ARAP3: variants seen among roughly 807,000 people sequenced by gnomAD.
The protein encoded by ARAP3 is ArfGAP with RhoGAP domain, ankyrin repeat and PH domain 3, also known as arf-GAP with Rho-GAP domain, ANK repeat and PH domain-containing protein 3.
In ARAP3, 82 loss-of-function variants were observed where a neutral mutation model predicts 169.2. The ratio of observed to expected loss-of-function variants is 0.48; its 90% CI spans 0.41 to 0.58. ARAP3 has a LOEUF of 0.58. Ranked by LOEUF, ARAP3 falls within the 20% of genes least tolerant of loss-of-function variation. The pLI is 0.00. For missense variants in ARAP3, 1,764 were observed against 2,018.0 expected (o/e 0.87, Z 2.41); for synonymous variants, 791 against 800.3 (o/e 0.99, Z 0.20).
chr5:141,663,219 C>G lies in ARAP3; in HGVS notation c.2801-964G>C, dbSNP rs1280481361. Reference sequence around the variant, plus strand: ...ACTGCCATATCCCCAGTGTCTGACACACGGTAGCAGCTCAACCAATGTATG... The same window carrying G: ...ACTGCCATATCCCCAGTGTCTGACAGACGGTAGCAGCTCAACCAATGTATG... On this transcript the variant is annotated intron_variant, in intron 19 of 32. Transcript: ENST00000239440. 3.9e-5 allele frequency among the ~76,000 whole-genome samples: 6 copies of G among 152,204 alleles called. No individual in the cohort carries two copies. The South Asian group carries it at 1.2e-3, about 32-fold the overall frequency.
At position 141,672,714 on chromosome 5, in the gene ARAP3, C is replaced by T; in HGVS notation, c.1278+27G>A. 6.2e-7 allele frequency: 1 copy of T among 1,614,168 alleles called. No individual in the cohort carries two copies. Among genetic ancestry groups the T allele is most frequent in the South Asian group, 1.1e-5 (1 of 91,080 alleles). ...GTGCCAGAAGGGACTAGTTCAGGCC[C>T]CTCAGCCCTGGCCCGGCTCTCCTCA... On this transcript the variant is annotated intron_variant, in intron 8 of 32. Coordinates refer to ENST00000239440, the MANE Select transcript of ARAP3 (RefSeq NM_022481.6). The surrounding 1 kb of genome is among the most constrained non-coding windows in gnomAD (Gnocchi z 4.9).
intron 6 of ARAP3, 46 bp from the exon 7 acceptor site, chr5:141,673,179 A>C (rs1562422098): frequency 1.2e-6 from 2 of 1,612,408 alleles, no homozygotes; most frequent in Non-Finnish European, 1.7e-6. Flanking sequence ...GAACTGAGCC[A>C]TGTGTGCCAG....
intron 4 of ARAP3, among the ~76,000 whole-genome samples, chr5:141,676,803 T>G (rs191769805): frequency 6.6e-6 from 1 of 152,194 alleles, no homozygotes; most frequent in Non-Finnish European, 1.5e-5. Context: ...CACAGCTCTA[T>G]GCACCCATCT....
Position 141,672,140 on chromosome 5 carries a change from G to A in ARAP3, c.1547C>T (p.Ala516Val). 6.2e-7 allele frequency: 1 copy of A among 1,614,132 alleles called. No individual in the cohort carries two copies. The highest frequency in any genetic ancestry group is 8.5e-7 in the Non-Finnish European group (1 of 1,180,012). ...GCAGATGACCACCCCCAAATTGACA[G>A]CAGCCCAATCTGGGCGGGAGGACCC... ...DCGSSRPDWA[A>V]VNLGVVICKQ... Residue 516 changes from alanine (A) to valine (V), a missense_variant, in exon 10 of 33, where the codon GCT (alanine) becomes GTT (valine). Ala to Val is a moderately conservative substitution (Grantham distance 64). Transcript: ENST00000239440. The surrounding 1 kb of genome is among the most constrained non-coding windows in gnomAD (Gnocchi z 4.9).
Position 141,671,670 on chromosome 5 carries a change from G to A in ARAP3, c.1754C>T (p.Ala585Val), listed in dbSNP as rs772289556. 7.4e-6 allele frequency: 12 copies of A among 1,613,520 alleles called. No homozygotes were observed. Among genetic ancestry groups the A allele is most frequent in the South Asian group, 1.1e-5 (1 of 91,012 alleles). Residue 585 changes from alanine to valine, a missense_variant, in exon 12 of 33, where the codon GCG becomes GTG. By Grantham distance (64) the Ala-to-Val change is moderately conservative (BLOSUM62 0). Transcript: ENST00000239440. This position sits in a 1 kb window ranked among gnomAD's most constrained non-coding sequence, Gnocchi z 4.9. Reference sequence around the variant, plus strand: ...GAACTCTCCCCGGGGGCCAGGGGTCGCATCTGGATGTAGTCCCTCACCTGG... The same window carrying A: ...GAACTCTCCCCGGGGGCCAGGGGTCACATCTGGATGTAGTCCCTCACCTGG... ...LPPGEGLHPDATPGPRGEFIS... is the reference protein window; with the variant it reads ...LPPGEGLHPDVTPGPRGEFIS...
At chr5:141,677,903 G>C (rs894394503) in intron 4 of ARAP3, among the ~76,000 whole-genome samples, 1 of 151,244 alleles carries the variant, frequency 6.6e-6, no homozygotes, top group Non-Finnish European at 1.5e-5. Context: ...TCCTGCCTCA[G>C]CCTCCCTAGT....
In ARAP3 at chr5:141,658,370, T is replaced by C. The variant is rs1441407842; in HGVS notation, c.3521A>G (p.Glu1174Gly). Residue 1174 changes from glutamate (E) to glycine (G), a missense_variant, in exon 25 of 33, where the codon GAG (glutamate) becomes GGG (glycine). Glu to Gly is a moderately conservative substitution (Grantham distance 98, BLOSUM62 -2). Coordinates refer to ENST00000239440, the MANE Select transcript of ARAP3 (RefSeq NM_022481.6). ...WVTFEIREHG[E>G]LERPLHPKEK... is the part of the protein sequence containing the mutation. ...ACAGGCGTGGTCATACTCACCCAGC[T>C]CCCCATGCTCGCGAATCTCAAAAGT... 2 of 1,612,898 alleles carry C rather than the reference T, an allele frequency of 1.2e-6. No individual in the cohort carries two copies. Among genetic ancestry groups the C allele is most frequent in the East Asian group, 4.5e-5 (2 of 44,864 alleles).
In ARAP3 at chr5:141,671,389, T is replaced by C; in HGVS notation, c.1866A>G (p.Ala622=). 1 of 1,611,222 alleles carries C rather than the reference T, an allele frequency of 6.2e-7. No homozygotes were observed. Among genetic ancestry groups the C allele is most frequent in the Non-Finnish European group, 8.5e-7 (1 of 1,178,534 alleles). Reference sequence around the variant, plus strand: ...TCAGCAGGTTGGGTCTTGCCACAGCTGCACACAGTGCCTGCAGGGAGGGAA... The same window carrying C: ...TCAGCAGGTTGGGTCTTGCCACAGCCGCACACAGTGCCTGCAGGGAGGGAA... The part of the protein sequence containing the change: ...DHSQLLQALC[A]AVARPNLLKN... The change falls in exon 13 of 33, where the codon GCA becomes GCG. Residue 622 remains alanine (A), a synonymous_variant. Coordinates refer to ENST00000239440, the MANE Select transcript of ARAP3 (RefSeq NM_022481.6). This position sits in a 1 kb window ranked among gnomAD's most constrained non-coding sequence, Gnocchi z 4.9.
At position 141,679,542 on chromosome 5, in the gene ARAP3, C is replaced by T. The variant is rs2099912685; in HGVS notation, c.698+3G>A. On this transcript the variant is annotated splice_donor_region_variant and intron_variant, in intron 4 of 32. Coordinates refer to ENST00000239440, the MANE Select transcript of ARAP3 (RefSeq NM_022481.6). Reference sequence around the variant, plus strand: ...TCCCACCACTTCCCTATTTAGTACTCACCTGTGTTCAGCCCTGCCCTGACA... The same window carrying T: ...TCCCACCACTTCCCTATTTAGTACTTACCTGTGTTCAGCCCTGCCCTGACA... 6.2e-7 allele frequency: 1 copy of T among 1,613,880 alleles called. No individual in the cohort carries two copies. The highest frequency in any genetic ancestry group is 1.3e-5 in the African/African-American group (1 of 75,018).
rs1235577276 is a variant in ARAP3, at chr5:141,665,377, G to A, written c.2573-3C>T. The A allele has an allele frequency of 5.6e-6, 9 of 1,614,052 alleles. No individual in the cohort carries two copies. The highest frequency in any genetic ancestry group is 7.6e-6 in the Non-Finnish European group (9 of 1,179,948). On this transcript the variant is annotated splice_region_variant and splice_polypyrimidine_tract_variant and intron_variant, in intron 17 of 32. Coordinates refer to ENST00000239440, the MANE Select transcript of ARAP3 (RefSeq NM_022481.6). ...GGTGTCAGCTGCAGAAACCACACCT[G>A]GGAGGAGAATCAGTGGACATTTTCA...
rs1398901594 is a variant in ARAP3, at chr5:141,658,285, G to A, written c.3526+80C>T. On this transcript the variant is annotated intron_variant, in intron 25 of 32. Transcript: ENST00000239440. ...AGTTACCATTCATATTTGGTAACAT[G>A]AAGTCACTGATGACCTTGACCACAC... 3.6e-6 allele frequency: 5 copies of A among 1,394,996 alleles called. No individual in the cohort carries two copies. In the African/African-American group the frequency reaches 5.7e-5, roughly 16 times the overall value. The allele number at this position is 1,394,996 out of a possible 1,614,324, so 86.4% of individuals were successfully genotyped here.
rs1254676340 is a variant in ARAP3 at position 141,658,608 on chromosome 5, G to C, written c.3382C>G (p.Gln1128Glu). The part of the protein sequence containing the change: ...DLIMEVYIEQ[Q>E]LPDNCVTLKV... ...AGGGTGACACAGTTGTCTGGGAGCT[G>C]CTGCTCTATATAAACTTCCATGATG... The change falls in exon 24 of 33, where the codon CAG (glutamine) becomes GAG (glutamate). Residue 1128 changes from glutamine to glutamate, a missense_variant. Coordinates refer to ENST00000239440, the MANE Select transcript of ARAP3 (RefSeq NM_022481.6). 6.2e-7 allele frequency: 1 copy of C among 1,612,212 alleles called. No individual in the cohort carries two copies. Among genetic ancestry groups the C allele is most frequent in the Non-Finnish European group, 8.5e-7 (1 of 1,179,562 alleles).
intron 20 of ARAP3, 54 bp from the exon 21 acceptor site, chr5:141,661,843 C>G (rs1596479627): frequency 6.3e-7 from 1 of 1,588,496 alleles, no homozygotes; most frequent in Non-Finnish European, 8.6e-7. Flanking sequence ...AGAGTGGCAG[C>G]TGGTACAGAG....
intron 32 of ARAP3, 98 bp from the exon 33 acceptor site, chr5:141,654,533 G>A: frequency 6.8e-7 from 1 of 1,473,072 alleles, no homozygotes; most frequent in South Asian, 1.4e-5. Context: ...GCCAGATGCT[G>A]TAAAATACTT....
chr5:141,667,422 G>A (rs1029888247), intron 16 of ARAP3, among the ~76,000 whole-genome samples: 2 of 150,424 alleles, frequency 1.3e-5, no homozygotes, highest in Non-Finnish European at 3.0e-5. Flanking sequence ...CTAACCAATA[G>A]TGTACTTTCT....
rs780063109 is a variant in ARAP3 at position 141,662,114 on chromosome 5, T to C, written c.2942A>G (p.Lys981Arg). 64 of 1,614,106 alleles carry C rather than the reference T, an allele frequency of 4.0e-5. No homozygotes were observed. Among genetic ancestry groups the C allele is most frequent in the Non-Finnish European group, 5.2e-5 (61 of 1,180,048 alleles). Reference protein sequence around the residue: ...HFVEDVTDTLKRFFRELDDPV... With the variant: ...HFVEDVTDTLRRFFRELDDPV... ...GTCATCGAGCTCACGAAAGAAGCGTTTGAGTGTGTCAGTGACATCCTCCAC... is the reference window on the plus strand; with the variant it reads ...GTCATCGAGCTCACGAAAGAAGCGTCTGAGTGTGTCAGTGACATCCTCCAC... Residue 981 changes from lysine to arginine, a missense_variant, in exon 20 of 33, where the codon AAA (lysine) becomes AGA (arginine). Lys to Arg is a conservative substitution (Grantham distance 26). Around this residue, in one of 3 missense-constraint regions of ARAP3, gnomAD observed 1,112 missense variants for 1,285.7 expected, o/e 0.86. Transcript: ENST00000239440.
intron 4 of ARAP3, among the ~76,000 whole-genome samples, chr5:141,675,521 C>T (rs538620214): frequency 1.3e-5 from 2 of 152,044 alleles, no homozygotes; most frequent in Non-Finnish European, 2.9e-5. Context: ...GAGTTCAAGA[C>T]CAGCCTGGGC....
intron 13 of ARAP3, among the ~76,000 whole-genome samples, chr5:141,670,887 CTGGGTGAGCACCTCAGGGCA>C (rs1319166306): frequency 6.6e-6 from 1 of 152,228 alleles, no homozygotes; most frequent in Non-Finnish European, 1.5e-5. Context: ...GCTCTTAGCT[CTGGGTGAGCACCTCAGGGCA>C]TGTACCATCC....
At chr5:141,663,728 G>A (rs2099910281) in intron 19 of ARAP3, among the ~76,000 whole-genome samples, 1 of 152,202 alleles carries the variant, frequency 6.6e-6, no homozygotes, top group South Asian at 2.1e-4. Context: ...CATGGAAAAT[G>A]TTATTAGCCA....
Sources: gnomAD v4.1 joint callset for allele counts (sites outside exome capture counted in the v4.1 genomes callset) on GRCh38, gnomAD v4.1.1 for gene constraint, gnomAD v4.1.1 regional missense constraint, Gnocchi (gnomAD v3.1) non-coding constraint, MANE v1.5 for transcripts, NCBI Gene and HGNC (gene_info 2026-07-23, HGNC 2026-07-21) for gene names.